The following AGBL1 variants were observed in gnomAD, a reference collection of about 807,000 sequenced individuals.
AGBL1 encodes the protein cytosolic carboxypeptidase 4.
In AGBL1, 130 loss-of-function variants were observed where a neutral mutation model predicts 118.9. The observed-to-expected ratio is 1.09, with a 90% CI of 0.95 to 1.26. AGBL1 has a LOEUF of 1.26. AGBL1 is among the 50% of genes most tolerant of loss of function. AGBL1 has a pLI of 0.00. For synonymous variants in AGBL1, 555 were observed against 478.9 expected, an observed-to-expected ratio of 1.16 and a Z score of -2.08; for missense variants, 1,584 against 1,298.1, an observed-to-expected ratio of 1.22 and a Z score of -3.38.
chr15:86,633,381 A>G (rs546948207), intron 21 of AGBL1, among the ~76,000 whole-genome samples: 17 of 152,240 alleles, frequency 1.1e-4, no homozygotes, highest in African/African-American at 4.1e-4. Context: ...TGCTAAGTTA[A>G]AAAAATCTCT....
intron 16 of AGBL1, among the ~76,000 whole-genome samples, chr15:86,281,447 T>C (rs1023194653): frequency 2.6e-5 from 4 of 152,182 alleles, no homozygotes; most frequent in African/African-American, 9.7e-5. Context: ...GGGGATTCCT[T>C]TTAAAATACG....
intron 1 of AGBL1, among the ~76,000 whole-genome samples, chr15:86,106,740 G>C (rs1275911656): frequency 6.6e-5 from 10 of 152,230 alleles, no homozygotes; most frequent in Non-Finnish European, 2.9e-5. Flanking sequence ...CACAATACCA[G>C]ATAGCACAGT....
intron 15 of AGBL1, among the ~76,000 whole-genome samples, chr15:86,278,504 C>T (rs1470184339): frequency 6.3e-5 from 9 of 142,682 alleles, no homozygotes; most frequent in Non-Finnish European, 1.3e-4. Flanking sequence ...TCTCTTTCTT[C>T]CATGCTTACT....
intron 21 of AGBL1, among the ~76,000 whole-genome samples, chr15:86,654,137 C>G (rs942942734): frequency 1.3e-5 from 2 of 152,008 alleles, no homozygotes; most frequent in African/African-American, 4.8e-5. Context: ...TCAGATGTCT[C>G]TATGGGCCAA....
intron 5 of AGBL1, among the ~76,000 whole-genome samples, chr15:86,166,380 C>T (rs998385547): frequency 1.3e-5 from 2 of 152,194 alleles, no homozygotes; most frequent in African/African-American, 4.8e-5. Context: ...AGCTCCCTAT[C>T]CTGTGGAAAT....
At chr15:86,079,710 G>T, upstream of AGBL1, 1 of 330,172 alleles carries the variant, frequency 3.0e-6, no homozygotes, top group Non-Finnish European at 5.5e-6. Flanking sequence ...TCATGCTGGT[G>T]CCCTCCCCAC....
chr15:86,080,938 C>T (rs961458781), intron 1 of AGBL1, among the ~76,000 whole-genome samples: 11 of 132,786 alleles, frequency 8.3e-5, no homozygotes, highest in Non-Finnish European at 1.5e-4. Flanking sequence ...CTTGTGGGGG[C>T]GGGGGGGGGT....
At chr15:86,082,933 C>G (rs1028321510) in intron 1 of AGBL1, among the ~76,000 whole-genome samples, 5 of 152,214 alleles carry the variant, frequency 3.3e-5, no homozygotes, top group African/African-American at 9.6e-5. Flanking sequence ...GGCTGTTTAT[C>G]CTTATGAAAG....
chr15:86,501,655 T>C (rs868526850), intron 18 of AGBL1, among the ~76,000 whole-genome samples: 31 of 151,722 alleles, frequency 2.0e-4, no homozygotes, highest in African/African-American at 7.5e-4. Context: ...AAATGTACTG[T>C]TTTATGTATG....
At chr15:86,719,791 T>G (rs1260629712) in intron 22 of AGBL1, among the ~76,000 whole-genome samples, 1 of 152,224 alleles carries the variant, frequency 6.6e-6, no homozygotes, top group African/African-American at 2.4e-5. Context: ...AATTAGTCTT[T>G]CCAGGTATTG....
At chr15:86,823,074 T>C (rs541663737) in intron 22 of AGBL1, among the ~76,000 whole-genome samples, 12 of 152,148 alleles carry the variant, frequency 7.9e-5, no homozygotes, top group African/African-American at 2.9e-4. Flanking sequence ...CAATAGAAAA[T>C]GATAGGCTCA....
chr15:86,993,680 C>G (rs2081353357), intron 24 of AGBL1, among the ~76,000 whole-genome samples: 1 of 152,046 alleles, frequency 6.6e-6, no homozygotes, highest in Admixed American at 6.6e-5. Context: ...GTATGTTGTT[C>G]TTCAATAAAA....
At chr15:86,426,602 A>G (rs553481951) in intron 18 of AGBL1, among the ~76,000 whole-genome samples, 36 of 152,348 alleles carry the variant, frequency 2.4e-4, no homozygotes, top group Middle Eastern at 6.8e-3. Flanking sequence ...AGTAGTGGAC[A>G]TGAGTTATGC....
Position 86,389,755 on chromosome 15 carries a change from G to A in AGBL1, c.2375-7611G>A, listed in dbSNP as rs2081249219. Among the ~76,000 whole-genome samples, 5 of 151,954 alleles carry A rather than the reference G, an allele frequency of 3.3e-5. No homozygotes were observed. In the South Asian group the frequency reaches 1.0e-3, roughly 31 times the overall value. On this transcript the variant is annotated intron_variant, in intron 17 of 22. Coordinates refer to ENST00000614907, the MANE Select transcript of AGBL1 (RefSeq NM_001386094.1). ...GTACCTTGTAATCTCTGAGGTAACT[G>A]CTGAAAAAGAATAGAAGGATGTATA...
At chr15:86,632,629 TG>T (rs1470762826) in intron 21 of AGBL1, among the ~76,000 whole-genome samples, 22 of 118,732 alleles carry the variant, frequency 1.9e-4, no homozygotes, top group Admixed American at 8.2e-4. Context: ...AATCTCATCA[TG>T]TTTTTTTTTT....
At chr15:86,085,673 A>ATCTCAGCTCATCCTAGTG (rs1377118291) in intron 1 of AGBL1, among the ~76,000 whole-genome samples, 1 of 152,082 alleles carries the variant, frequency 6.6e-6, no homozygotes, top group Non-Finnish European at 1.5e-5. Context: ...TCATCCTAGT[A>ATCTCAGCTCATCCTAGTG]TCTCAGCTCA....
intron 22 of AGBL1, among the ~76,000 whole-genome samples, chr15:86,754,520 T>A (rs776279652): frequency 6.6e-6 from 1 of 152,020 alleles, no homozygotes; most frequent in Non-Finnish European, 1.5e-5. Context: ...AGTACACATG[T>A]CAACTCTTTT....
intron 6 of AGBL1, among the ~76,000 whole-genome samples, chr15:86,231,192 C>A (rs1345521270): frequency 6.6e-6 from 1 of 152,128 alleles, no homozygotes; most frequent in Admixed American, 6.5e-5. Flanking sequence ...GGGTATAGCT[C>A]CAAAGGAACT....
intron 22 of AGBL1, among the ~76,000 whole-genome samples, chr15:86,889,764 G>A (rs113154728): frequency 0.06 from 9,125 of 152,154 alleles, 725 homozygotes; most frequent in African/African-American, 0.18. Context: ...CATGGTGTAC[G>A]TGTACCACAT....
Sources: allele counts gnomAD v4.1 joint callset (sites outside exome capture counted in the v4.1 genomes callset), GRCh38; gene constraint gnomAD v4.1.1; transcripts MANE v1.5; gene names NCBI Gene and HGNC (gene_info 2026-07-23, HGNC 2026-07-21).